The following CCDC60 variants were observed in gnomAD, a reference collection of about 807,000 sequenced individuals.
The protein encoded by CCDC60 is coiled-coil domain-containing protein 60.
CCDC60 carries 54 observed loss-of-function variants against 63.5 expected under a neutral mutation model. That is an observed-to-expected ratio of 0.85 (90% CI 0.68 to 1.07). CCDC60 has a LOEUF of 1.07. Ranked by LOEUF, CCDC60 falls within the 50% of genes least tolerant of loss-of-function variation. The pLI, the probability that CCDC60 is intolerant of heterozygous loss-of-function variation, is 0.00. For synonymous variants in CCDC60, 206 were observed against 238.8 expected (o/e 0.86, Z 1.27); for missense variants, 651 against 684.3 (o/e 0.95, Z 0.54).
chr12:119,487,397 A>G (rs1021815757), intron 4 of CCDC60, among the ~76,000 whole-genome samples: 5 of 151,748 alleles, frequency 3.3e-5, no homozygotes, highest in African/African-American at 1.2e-4. Context: ...TCTCAGGCTC[A>G]AGCAATTCTC....
At chr12:119,403,705 C>A (rs2136182525) in intron 1 of CCDC60, among the ~76,000 whole-genome samples, 1 of 152,198 alleles carries the variant, frequency 6.6e-6, no homozygotes, top group Middle Eastern at 3.4e-3. Flanking sequence ...TCCCCTCCAC[C>A]AACCCTATTG....
intron 13 of CCDC60, among the ~76,000 whole-genome samples, chr12:119,534,954 C>T (rs1423253226): frequency 1.3e-5 from 2 of 152,196 alleles, no homozygotes; most frequent in African/African-American, 4.8e-5. Context: ...GGAGGATTCC[C>T]TCTTTTTCTA....
intron 1 of CCDC60, among the ~76,000 whole-genome samples, chr12:119,427,920 G>A (rs182956378): frequency 4.6e-5 from 7 of 152,238 alleles, no homozygotes; most frequent in Admixed American, 2.0e-4. Flanking sequence ...CACTTGGGCC[G>A]AGGAGCTCGA....
intron 2 of CCDC60, chr12:119,429,005 C>T (rs1000714160): frequency 2.5e-6 from 1 of 405,304 alleles, no homozygotes; most frequent in Non-Finnish European, 4.5e-6. Context: ...TGCTTTTCTT[C>T]CTGGACCTGA....
At chr12:119,523,472 T>C (rs1054532028) in intron 10 of CCDC60, among the ~76,000 whole-genome samples, 2 of 152,330 alleles carry the variant, frequency 1.3e-5, no homozygotes, top group Non-Finnish European at 2.9e-5. Flanking sequence ...GCTCATTTAA[T>C]AGGGTCTGAA....
intron 1 of CCDC60, among the ~76,000 whole-genome samples, chr12:119,356,386 T>C (rs527873875): frequency 7.4e-4 from 112 of 152,370 alleles, no homozygotes; most frequent in African/African-American, 2.6e-3. Context: ...ATTTCATTTA[T>C]ATTCATATTC....
chr12:119,491,012 T>C (rs1951568331), intron 5 of CCDC60, among the ~76,000 whole-genome samples: 1 of 152,252 alleles, frequency 6.6e-6, no homozygotes, highest in South Asian at 2.1e-4. Flanking sequence ...CTTTTAAAAG[T>C]CTATGATATG....
At chr12:119,434,798 A>C (rs1459318542) in intron 2 of CCDC60, among the ~76,000 whole-genome samples, 1 of 151,186 alleles carries the variant, frequency 6.6e-6, no homozygotes, top group Non-Finnish European at 1.5e-5. Flanking sequence ...AGAGAGGATA[A>C]GAGAGACAAG....
intron 6 of CCDC60, 68 bp from the exon 7 acceptor site, chr12:119,505,001 C>CCTTT: frequency 2.4e-6 from 3 of 1,235,458 alleles, no homozygotes; most frequent in African/African-American, 1.5e-5. Flanking sequence ...CTCCTTCCCT[C>CCTTT]CTTTCTTTCT....
rs1236502241 is a variant in CCDC60, at chr12:119,380,218, G to C, written c.90+44952G>C. ...TTCTTAAGAGGACAACCACAGTTGG[G>C]TGGGAACAGTCATGTGTGCTAGAAG... On this transcript the variant is annotated intron_variant, in intron 1 of 13. Coordinates refer to ENST00000327554, the MANE Select transcript of CCDC60 (RefSeq NM_178499.5). 2.0e-5 allele frequency among the ~76,000 whole-genome samples: 3 copies of C among 152,198 alleles called. No homozygotes were observed. The East Asian group carries it at 5.8e-4, about 29-fold the overall frequency.
intron 1 of CCDC60, among the ~76,000 whole-genome samples, chr12:119,376,834 T>C (rs963177640): frequency 2.6e-5 from 4 of 152,110 alleles, no homozygotes; most frequent in Non-Finnish European, 5.9e-5. Flanking sequence ...ATTTACCCAT[T>C]TTGGAATATT....
intron 7 of CCDC60, among the ~76,000 whole-genome samples, chr12:119,513,603 C>T (rs1048709260): frequency 2.6e-5 from 4 of 152,198 alleles, no homozygotes; most frequent in South Asian, 2.1e-4. Flanking sequence ...AATATGATGT[C>T]ACCTTGACTT....
rs1302810400 is a variant in CCDC60, at chr12:119,523,724, A to G, written c.1135A>G (p.Lys379Glu). The change falls in exon 11 of 14, where the codon AAG becomes GAG. Residue 379 changes from lysine (K) to glutamate (E), a missense_variant. Transcript: ENST00000327554. ...TAATTGTGACATCAACATCCACTACAAGAGTGGGGTGTGTAACACCATGAG... is the reference window on the plus strand; with the variant it reads ...TAATTGTGACATCAACATCCACTACGAGAGTGGGGTGTGTAACACCATGAG... ...RTNCDINIHYKSGVCNTMRAK... is the reference protein window; with the variant it reads ...RTNCDINIHYESGVCNTMRAK... 3.1e-6 allele frequency: 5 copies of G among 1,614,038 alleles called. No homozygotes were observed. The South Asian group carries it at 5.5e-5, about 18-fold the overall frequency.
intron 1 of CCDC60, among the ~76,000 whole-genome samples, chr12:119,381,663 AC>A (rs1234066655): frequency 6.6e-5 from 10 of 152,046 alleles, no homozygotes; most frequent in Non-Finnish European, 1.5e-4. Flanking sequence ...CCTCATGACA[AC>A]CCCAGTGGCA....
intron 1 of CCDC60, among the ~76,000 whole-genome samples, chr12:119,398,475 G>A (rs1238225423): frequency 6.6e-6 from 1 of 152,200 alleles, no homozygotes; most frequent in Non-Finnish European, 1.5e-5. Flanking sequence ...CCAGCCCTGA[G>A]AGGGGCTCCC....
intron 1 of CCDC60, among the ~76,000 whole-genome samples, chr12:119,417,777 C>T (rs1173830127): frequency 6.6e-6 from 1 of 152,200 alleles, no homozygotes; most frequent in African/African-American, 2.4e-5. Flanking sequence ...TCTGCTGGGC[C>T]ACAATTTCTC....
chr12:119,334,876 G>C lies in CCDC60; in HGVS notation c.-301G>C. 3.7e-6 allele frequency: 1 copy of C among 270,514 alleles called. No individual in the cohort carries two copies. Among genetic ancestry groups the C allele is most frequent in the Non-Finnish European group, 6.9e-6 (1 of 145,898 alleles). 16.8% of individuals were successfully genotyped at this position (270,514 alleles called of 1,614,324 possible). ...TAGTTCATATTTTATTTTGCTTATA[G>C]AAGAGAAAGATATCCCTTCCGAAGA... On this transcript the variant is annotated 5_prime_UTR_variant, in exon 1 of 14. It removes the in-frame stop codon of an upstream open reading frame in the 5' UTR. Transcript: ENST00000327554.
At chr12:119,497,150 T>C (rs1219424682) in intron 5 of CCDC60, among the ~76,000 whole-genome samples, 2 of 152,140 alleles carry the variant, frequency 1.3e-5, no homozygotes, top group Non-Finnish European at 2.9e-5. Flanking sequence ...CACTCATGTA[T>C]TTTTGAACAA....
chr12:119,375,324 A>G (rs10774494), intron 1 of CCDC60, among the ~76,000 whole-genome samples: 107,197 of 152,098 alleles, frequency 0.7, 38,065 homozygotes, highest in East Asian at 0.83. Flanking sequence ...GCCAGTTTCC[A>G]TGGTGTAAAT....
Sources: allele counts gnomAD v4.1 joint callset (sites outside exome capture counted in the v4.1 genomes callset), GRCh38; gene constraint gnomAD v4.1.1; transcripts MANE v1.5; gene names NCBI Gene and HGNC (gene_info 2026-07-23, HGNC 2026-07-21).